The following SNTG1 variants were observed in gnomAD, a reference collection of about 807,000 sequenced individuals.
The protein encoded by SNTG1 is gamma-1-syntrophin.
A neutral mutation model predicts 74.7 loss-of-function variants in SNTG1; 39 were observed. The observed-to-expected ratio is 0.52, with a 90% confidence interval of 0.40 to 0.68. SNTG1 has a LOEUF of 0.68. Among genes scored for constraint, SNTG1 ranks in the 30% least tolerant of loss-of-function variants. The probability of loss-of-function intolerance (pLI) is 0.00; values close to 1 mark genes in which losing one functional copy is unlikely to be tolerated. For missense variants in SNTG1, 685 were observed against 609.5 expected (o/e 1.12, Z -1.30); for synonymous variants, 254 against 217.1 (o/e 1.17, Z -1.49).
intron 1 of SNTG1, among the ~76,000 whole-genome samples, chr8:49,971,090 C>T (rs1006753625): frequency 6.6e-6 from 1 of 152,142 alleles, no homozygotes; most frequent in African/African-American, 2.4e-5. Context: ...AGACCAATAT[C>T]CCTGATGAAC....
At chr8:50,746,644 A>T (rs925632100) in intron 17 of SNTG1, among the ~76,000 whole-genome samples, 3 of 151,798 alleles carry the variant, frequency 2.0e-5, no homozygotes, top group Non-Finnish European at 4.4e-5. Flanking sequence ...ATATCTAAAT[A>T]AATGATAGAC....
At chr8:49,935,014 G>A (rs1331182674) in intron 1 of SNTG1, among the ~76,000 whole-genome samples, 1 of 151,990 alleles carries the variant, frequency 6.6e-6, no homozygotes, top group Non-Finnish European at 1.5e-5. Context: ...TGCTGATTTA[G>A]CACCAGTAAG....
chr8:50,524,953 A>G (rs2094208481), intron 9 of SNTG1, among the ~76,000 whole-genome samples: 1 of 152,122 alleles, frequency 6.6e-6, no homozygotes, highest in South Asian at 2.1e-4. Flanking sequence ...ATTTGTCTAC[A>G]TCTACCTTTA....
chr8:50,117,213 T>G (rs566546290), intron 1 of SNTG1, among the ~76,000 whole-genome samples: 4 of 152,178 alleles, frequency 2.6e-5, no homozygotes, highest in Admixed American at 2.0e-4. Context: ...TTCAAATGCC[T>G]TTTAGACATC....
intron 1 of SNTG1, among the ~76,000 whole-genome samples, chr8:50,002,084 A>G (rs1242066381): frequency 6.6e-6 from 1 of 152,190 alleles, no homozygotes; most frequent in African/African-American, 2.4e-5. Context: ...GACATATTTC[A>G]TAATATTTAA....
intron 8 of SNTG1, among the ~76,000 whole-genome samples, chr8:50,454,069 G>A (rs2093480295): frequency 6.6e-6 from 1 of 152,128 alleles, no homozygotes; most frequent in Admixed American, 6.5e-5. Flanking sequence ...ATGATCTATT[G>A]CCACTACTGA....
chr8:50,300,676 G>A (rs998074117), intron 2 of SNTG1, among the ~76,000 whole-genome samples: 1 of 151,990 alleles, frequency 6.6e-6, no homozygotes, highest in African/African-American at 2.4e-5. Context: ...AGTATTCATT[G>A]TTTCTCTGTG....
intron 18 of SNTG1, among the ~76,000 whole-genome samples, chr8:50,754,462 C>G (rs915512722): frequency 6.6e-6 from 1 of 151,696 alleles, no homozygotes; most frequent in Non-Finnish European, 1.5e-5. Context: ...TATGTTATAT[C>G]CTCTTTGTTA....
Position 50,096,796 on chromosome 8 carries a change from G to A in SNTG1, c.-102-75765G>A, listed in dbSNP as rs148706695. On this transcript the variant is annotated intron_variant, in intron 1 of 18. Transcript: ENST00000642720. ...AAGATTATCCACAAAAGTTATGAAT[G>A]AGCTATCTTAATGTTTTTATGCCAA... 5.9e-5 allele frequency among the ~76,000 whole-genome samples: 9 copies of A among 152,158 alleles called. No individual in the cohort carries two copies. The East Asian group carries it at 1.7e-3, about 29-fold the overall frequency.
intron 12 of SNTG1, among the ~76,000 whole-genome samples, chr8:50,581,819 G>A (rs145221528): frequency 6.6e-6 from 1 of 152,294 alleles, no homozygotes; most frequent in East Asian, 1.9e-4. Flanking sequence ...TACTCGGCAA[G>A]TGTTCTTGGC....
Position 50,792,963 on chromosome 8 carries a change from A to G in SNTG1, c.*134A>G. ...CAAATCAAAATTTCGGCAGAAAAAG[A>G]AGGTCATGTGGAACCTCAAAAACAC... is the stretch of plus-strand genomic sequence containing the variant. On this transcript the variant is annotated 3_prime_UTR_variant, in exon 19 of 19. Transcript: ENST00000642720. 1 of 977,150 alleles carries G rather than the reference A, an allele frequency of 1.0e-6. No individual in the cohort carries two copies. Among genetic ancestry groups the G allele is most frequent in the Non-Finnish European group, 1.4e-6 (1 of 691,454 alleles). The allele number at this position is 977,150 out of a possible 1,614,324, so 60.5% of individuals were successfully genotyped here.
intron 1 of SNTG1, among the ~76,000 whole-genome samples, chr8:50,087,786 T>A (rs892857465): frequency 6.6e-6 from 1 of 152,138 alleles, no homozygotes; most frequent in Non-Finnish European, 1.5e-5. Flanking sequence ...TTTATTTATT[T>A]ATTTTTTATT....
intron 1 of SNTG1, among the ~76,000 whole-genome samples, chr8:50,038,344 G>T (rs1818337185): frequency 6.6e-6 from 1 of 152,134 alleles, no homozygotes; most frequent in African/African-American, 2.4e-5. Flanking sequence ...TTCTCTTAGT[G>T]CAATCCAAGA....
chr8:50,105,826 C>T (rs2080350000), intron 1 of SNTG1, among the ~76,000 whole-genome samples: 1 of 151,962 alleles, frequency 6.6e-6, no homozygotes, highest in Non-Finnish European at 1.5e-5. Flanking sequence ...ATTTGGCTTT[C>T]AGCTTGGACA....
At chr8:50,589,626 A>G (rs2094679028) in intron 12 of SNTG1, among the ~76,000 whole-genome samples, 1 of 152,140 alleles carries the variant, frequency 6.6e-6, no homozygotes, top group Non-Finnish European at 1.5e-5. Context: ...ACGAAGCTAC[A>G]TAGTACATTA....
chr8:50,699,266 G>T (rs775361168), intron 15 of SNTG1, among the ~76,000 whole-genome samples: 1 of 152,044 alleles, frequency 6.6e-6, no homozygotes, highest in Non-Finnish European at 1.5e-5. Context: ...TTCTTGTGAG[G>T]ATCTTACTAA....
chr8:50,717,548 A>G (rs550909658), intron 17 of SNTG1, among the ~76,000 whole-genome samples: 70 of 152,324 alleles, frequency 4.6e-4, no homozygotes, highest in Non-Finnish European at 8.7e-4. Context: ...CAGCTAGCCC[A>G]TATTTCAATA....
chr8:50,427,714 A>G (rs1350250173), intron 4 of SNTG1, among the ~76,000 whole-genome samples: 1 of 152,252 alleles, frequency 6.6e-6, no homozygotes, highest in East Asian at 1.9e-4. Flanking sequence ...GGCATGAGTC[A>G]CTGCACCCAG....
At chr8:50,552,798 A>T (rs2094434589) in intron 11 of SNTG1, among the ~76,000 whole-genome samples, 1 of 152,198 alleles carries the variant, frequency 6.6e-6, no homozygotes, top group Non-Finnish European at 1.5e-5. Context: ...TGTATGTTTT[A>T]GAAGTCAAAG....
Sources: allele counts gnomAD v4.1 joint callset (sites outside exome capture counted in the v4.1 genomes callset), GRCh38; gene constraint gnomAD v4.1.1; transcripts MANE v1.5; gene names NCBI Gene and HGNC (gene_info 2026-07-23, HGNC 2026-07-21).